MEOX2: variants seen among roughly 807,000 people sequenced by gnomAD.
MEOX2 encodes the protein homeobox protein MOX-2.
MEOX2 carries 11 observed loss-of-function variants against 27.0 expected under a neutral mutation model. That is an observed-to-expected ratio of 0.41 (90% CI 0.26 to 0.68). The LOEUF (loss-of-function observed/expected upper bound fraction) is 0.68. Ranked by LOEUF, MEOX2 falls within the 30% of genes least tolerant of loss-of-function variation. MEOX2 has a pLI of 0.33. For synonymous variants in MEOX2, 189 were observed against 155.4 expected, an observed-to-expected ratio of 1.22 and a Z score of -1.61; for missense variants, 436 against 385.4, an observed-to-expected ratio of 1.13 and a Z score of -1.10.
chr7:15,648,899 G>A (rs1007733619), intron 1 of MEOX2, among the ~76,000 whole-genome samples: 1 of 151,950 alleles, frequency 6.6e-6, no homozygotes, highest in South Asian at 2.1e-4. Context: ...TTGCCAGCAC[G>A]ACTATAAAAC....
At chr7:15,629,811 G>A (rs1781373188) in intron 1 of MEOX2, among the ~76,000 whole-genome samples, 1 of 151,908 alleles carries the variant, frequency 6.6e-6, no homozygotes, top group South Asian at 2.1e-4. Context: ...ATCACTTGCT[G>A]ACCCTAAGGC....
At chr7:15,656,099 C>A (rs553588835) in intron 1 of MEOX2, among the ~76,000 whole-genome samples, 58 of 151,874 alleles carry the variant, frequency 3.8e-4, no homozygotes, top group African/African-American at 1.1e-3. Flanking sequence ...TTTTTAATAT[C>A]TCTCTCTGTC....
At chr7:15,649,088 T>C (rs948707484) in intron 1 of MEOX2, among the ~76,000 whole-genome samples, 1 of 152,126 alleles carries the variant, frequency 6.6e-6, no homozygotes, top group Non-Finnish European at 1.5e-5. Context: ...TTACTCTTTC[T>C]TCCCAAAATG....
At position 15,611,836 on chromosome 7, in the gene MEOX2, G is replaced by A. The variant is rs1380664687; in HGVS notation, c.*551C>T. On this transcript the variant is annotated 3_prime_UTR_variant, in exon 3 of 3. Coordinates refer to ENST00000262041, the MANE Select transcript of MEOX2 (RefSeq NM_005924.5). The stretch of plus-strand genomic sequence containing the variant: ...GTGAAGACAGGAAAATGACTTAAGG[G>A]TAATATATACAGAGTTAAAATACAC... 1 of 154,010 alleles carries A rather than the reference G, an allele frequency of 6.5e-6. No individual in the cohort carries two copies. The highest frequency in any genetic ancestry group is 2.4e-5 in the African/African-American group (1 of 41,436). 9.5% of individuals were successfully genotyped at this position (154,010 alleles called of 1,614,324 possible). A position where few individuals can be genotyped will look rare whatever the true frequency, so the allele number is the denominator to read the frequency against.
At chr7:15,658,841 C>A (rs2115382089) in intron 1 of MEOX2, among the ~76,000 whole-genome samples, 1 of 152,306 alleles carries the variant, frequency 6.6e-6, no homozygotes, top group African/African-American at 2.4e-5. Flanking sequence ...GTCTTCCCAG[C>A]CTCCAGAACT....
intron 1 of MEOX2, among the ~76,000 whole-genome samples, chr7:15,678,413 C>T (rs554977040): frequency 2.5e-4 from 38 of 152,272 alleles, no homozygotes; most frequent in African/African-American, 7.5e-4. Context: ...CATTACGTTT[C>T]GGATAACACA....
chr7:15,637,222 C>G (rs754185540), intron 1 of MEOX2, among the ~76,000 whole-genome samples: 3 of 151,798 alleles, frequency 2.0e-5, no homozygotes, highest in Non-Finnish European at 4.4e-5. Flanking sequence ...TATAATGATA[C>G]GGCATTAAGT....
At position 15,612,106 on chromosome 7, in the gene MEOX2, A is replaced by G; in HGVS notation, c.*281T>C. 2.3e-6 allele frequency: 1 copy of G among 429,866 alleles called. No homozygotes were observed. Among genetic ancestry groups the G allele is most frequent in the Non-Finnish European group, 4.2e-6 (1 of 236,860 alleles). The allele number at this position is 429,866 out of a possible 1,614,324, so 26.6% of individuals were successfully genotyped here. A position where few individuals can be genotyped will look rare whatever the true frequency, so the allele number is the denominator to read the frequency against. On this transcript the variant is annotated 3_prime_UTR_variant, in exon 3 of 3. Transcript: ENST00000262041. ...TTGATAGCAATTTAATTTTCAGTGC[A>G]AGCAAAAGCAAACACATACCTGCTC... is the stretch of plus-strand genomic sequence containing the variant.
intron 1 of MEOX2, among the ~76,000 whole-genome samples, chr7:15,677,128 A>G (rs1782207712): frequency 6.6e-6 from 1 of 152,168 alleles, no homozygotes. Flanking sequence ...AATCTTTAGT[A>G]ATTACTTAGG....
intron 1 of MEOX2, among the ~76,000 whole-genome samples, chr7:15,653,195 TA>T (rs1781767308): frequency 6.6e-6 from 1 of 152,060 alleles, no homozygotes; most frequent in Non-Finnish European, 1.5e-5. Context: ...TGTAGTGTCA[TA>T]ACAGTGTGGT....
At chr7:15,668,573 C>G (rs999095802) in intron 1 of MEOX2, among the ~76,000 whole-genome samples, 4 of 152,114 alleles carry the variant, frequency 2.6e-5, no homozygotes, top group Non-Finnish European at 5.9e-5. Context: ...CATCCGCCTC[C>G]TGGGTTCAAG....
chr7:15,684,907 G>A (rs1398028894), intron 1 of MEOX2, among the ~76,000 whole-genome samples: 1 of 152,236 alleles, frequency 6.6e-6, no homozygotes, highest in African/African-American at 2.4e-5. Flanking sequence ...TGGAAACTTT[G>A]AGTTTCTCTG....
In MEOX2 at chr7:15,686,293, G is replaced by C; in HGVS notation, c.110C>G (p.Ser37Cys). The change falls in exon 1 of 3, where the codon TCT (serine) becomes TGT (cysteine). Residue 37 changes from serine to cysteine, a missense_variant. Ser to Cys is a moderately radical substitution (Grantham distance 112). Coordinates refer to ENST00000262041, the MANE Select transcript of MEOX2 (RefSeq NM_005924.5). ...GGAAGAAGTAGAGAGCTCGGGGTAA[G>C]ACATATGGTCAGATCTTCCATGGAG... ...LALHGRSDHM[S>C]YPELSTSSSS... is the part of the protein sequence containing the mutation. The C allele has an allele frequency of 1.9e-6, 3 of 1,611,888 alleles. No homozygotes were observed. The highest frequency in any genetic ancestry group is 2.5e-6 in the Non-Finnish European group (3 of 1,178,968).
intron 2 of MEOX2, among the ~76,000 whole-genome samples, chr7:15,625,994 G>C (rs551966915): frequency 1.2e-4 from 19 of 152,040 alleles, no homozygotes; most frequent in Admixed American, 8.5e-4. Flanking sequence ...AAAATATTTT[G>C]GGTAAAGGGG....
intron 1 of MEOX2, among the ~76,000 whole-genome samples, chr7:15,643,647 C>A (rs1781597200): frequency 6.6e-6 from 1 of 152,180 alleles, no homozygotes; most frequent in Admixed American, 6.5e-5. Flanking sequence ...GACTGTGGGA[C>A]TCCCAGAGGG....
At chr7:15,619,370 T>G (rs889588055) in intron 2 of MEOX2, among the ~76,000 whole-genome samples, 3 of 152,048 alleles carry the variant, frequency 2.0e-5, no homozygotes, top group African/African-American at 7.2e-5. Flanking sequence ...TAATGTATGA[T>G]ATGTTCCCTA....
At chr7:15,627,911 G>A (rs1781341540) in intron 1 of MEOX2, among the ~76,000 whole-genome samples, 1 of 151,456 alleles carries the variant, frequency 6.6e-6, no homozygotes, top group Non-Finnish European at 1.5e-5. Flanking sequence ...CAAGAAAAAA[G>A]GGCACATTAA....
chr7:15,623,310 C>T (rs1321570876), intron 2 of MEOX2, among the ~76,000 whole-genome samples: 2 of 152,244 alleles, frequency 1.3e-5, no homozygotes, highest in East Asian at 3.9e-4. Flanking sequence ...CTGATAAATT[C>T]AGCACAGTAA....
chr7:15,624,858 T>TGTATAG (rs1300080380), intron 2 of MEOX2, among the ~76,000 whole-genome samples: 1 of 152,208 alleles, frequency 6.6e-6, no homozygotes, highest in Non-Finnish European at 1.5e-5. Flanking sequence ...TAAAATAGTA[T>TGTATAG]GTATAGGTAT....
Sources: gnomAD v4.1 joint callset for allele counts (sites outside exome capture counted in the v4.1 genomes callset) on GRCh38, gnomAD v4.1.1 for gene constraint, MANE v1.5 for transcripts, NCBI Gene and HGNC (gene_info 2026-07-23, HGNC 2026-07-21) for gene names.